The following PTPRH variants were observed in gnomAD, a reference collection of about 807,000 sequenced individuals.
PTPRH encodes the protein protein tyrosine phosphatase receptor type H, also known as receptor-type tyrosine-protein phosphatase H.
A neutral mutation model predicts 130.2 loss-of-function variants in PTPRH; 113 were observed. That is an observed-to-expected ratio of 0.87 (90% CI 0.75 to 1.01). PTPRH has a LOEUF of 1.01. PTPRH is among the 50% of genes least tolerant of loss of function. The pLI, the probability that PTPRH is intolerant of heterozygous loss-of-function variation, is 0.00. For missense variants in PTPRH, 1,430 were observed against 1,425.0 expected (o/e 1.00, Z -0.06); for synonymous variants, 556 against 577.9 (o/e 0.96, Z 0.54).
chr19:55,195,474 C>G (rs994068287), intron 10 of PTPRH, among the ~76,000 whole-genome samples: 2 of 152,208 alleles, frequency 1.3e-5, no homozygotes, highest in African/African-American at 4.8e-5. Context: ...TGCACTCCAG[C>G]CTGGGTGACA....
chr19:55,198,861 A>G lies in PTPRH; in HGVS notation c.1472T>C (p.Ile491Thr). Residue 491 changes from isoleucine to threonine, a missense_variant, in exon 8 of 20, where the codon ATT (isoleucine) becomes ACT (threonine). Transcript: ENST00000376350. The stretch of plus-strand genomic sequence containing the variant: ...CTGGGGAGCTGTCCAGCGCAAAGCA[A>G]TGGTGCTGTTGGTCCAGTCCTGCTT... ...LSKQDWTNST[I>T]ALRWTAPQGP... 1 of 1,569,208 alleles carries G rather than the reference A, an allele frequency of 6.4e-7. No individual in the cohort carries two copies. The highest frequency in any genetic ancestry group is 8.7e-7 in the Non-Finnish European group (1 of 1,154,826).
chr19:55,190,765 G>A (rs955517331), intron 12 of PTPRH, among the ~76,000 whole-genome samples: 2 of 150,704 alleles, frequency 1.3e-5, no homozygotes, highest in African/African-American at 4.9e-5. Context: ...GCGTAGCTGG[G>A]ATTACAGGCG....
intron 13 of PTPRH, 24 bp from the exon 14 acceptor site, chr19:55,187,627 A>T (rs967576239): frequency 2.6e-6 from 4 of 1,561,376 alleles, no homozygotes; most frequent in Non-Finnish European, 3.5e-6. Context: ...GAGAGGGGGT[A>T]CCTGGTGTTG....
chr19:55,184,024 C>T (rs546481855), intron 18 of PTPRH, among the ~76,000 whole-genome samples: 1 of 152,000 alleles, frequency 6.6e-6, no homozygotes, highest in Non-Finnish European at 1.5e-5. Flanking sequence ...GTGGTTCACG[C>T]CTGTAATCCC....
In PTPRH at chr19:55,198,926, C is replaced by G; in HGVS notation, c.1421-14G>C. 3 of 1,498,518 alleles carry G rather than the reference C, an allele frequency of 2.0e-6. No individual in the cohort carries two copies. The highest frequency in any genetic ancestry group is 2.7e-6 in the Non-Finnish European group (3 of 1,121,022). 92.8% of individuals were successfully genotyped at this position (1,498,518 alleles called of 1,614,324 possible). A position where few individuals can be genotyped will look rare whatever the true frequency, so the allele number is the denominator to read the frequency against. ...CTGCGTTGGGGACTGGGAGAGGGAG[C>G]AGAGTCAGGATTTCCACATCCCCTA... On this transcript the variant is annotated splice_polypyrimidine_tract_variant and intron_variant, in intron 7 of 19. Coordinates refer to ENST00000376350, the MANE Select transcript of PTPRH (RefSeq NM_002842.5).
intron 18 of PTPRH, 80 bp from the exon 19 acceptor site, chr19:55,182,231 G>A: frequency 6.7e-7 from 1 of 1,481,822 alleles, no homozygotes; most frequent in South Asian, 1.2e-5. Flanking sequence ...AGGGATCTGT[G>A]TTTGAATGAT....
intron 10 of PTPRH, among the ~76,000 whole-genome samples, chr19:55,193,252 G>A (rs1023542000): frequency 6.7e-6 from 1 of 149,966 alleles, no homozygotes; most frequent in Admixed American, 6.6e-5. Context: ...GAAAAAGAAA[G>A]CAAAACAAAA....
intron 4 of PTPRH, among the ~76,000 whole-genome samples, chr19:55,204,257 C>T (rs920830336): frequency 6.6e-6 from 1 of 152,106 alleles, no homozygotes; most frequent in African/African-American, 2.4e-5. Flanking sequence ...GTAGGTGGGA[C>T]TACAGGTCTG....
chr19:55,203,688 G>C lies in PTPRH; in HGVS notation c.886+94C>G, dbSNP rs553957213. The C allele has an allele frequency of 1.6e-5, 22 of 1,419,174 alleles. No individual in the cohort carries two copies. In the East Asian group the frequency reaches 3.7e-4, roughly 24 times the overall value. The allele number at this position is 1,419,174 out of a possible 1,614,324, so 87.9% of individuals were successfully genotyped here. A position where few individuals can be genotyped will look rare whatever the true frequency, so the allele number is the denominator to read the frequency against. On this transcript the variant is annotated intron_variant, in intron 5 of 19. Transcript: ENST00000376350. Reference sequence around the variant, plus strand: ...TGTGGCTTCCACTGTGTTTCTATTGGACTAAAGAACCTGTCACATTTTGTC... The same window carrying C: ...TGTGGCTTCCACTGTGTTTCTATTGCACTAAAGAACCTGTCACATTTTGTC...
At chr19:55,187,307 T>A (rs186475325) in intron 14 of PTPRH, among the ~76,000 whole-genome samples, 1 of 107,522 alleles carries the variant, frequency 9.3e-6, no homozygotes. Context: ...ATCGCGCCAC[T>A]GCACTCCAGC....
At position 55,181,826 on chromosome 19, in the gene PTPRH, G is replaced by A; in HGVS notation, c.3276C>T (p.Val1092=). ...TGAGGTTTTCGACATCCTCATACGG[G>A]ACTTCCTTCTCGGCTGGGGCCTGGG... ...QSAQAPAEKE[V]PYEDVENLIY... Residue 1092 remains valine (V), a synonymous_variant, in exon 20 of 20, where the codon GTC becomes GTT. Transcript: ENST00000376350. 6.2e-7 allele frequency: 1 copy of A among 1,614,202 alleles called. No individual in the cohort carries two copies.
At position 55,186,269 on chromosome 19, in the gene PTPRH, T is replaced by C. The variant is rs1456011290; in HGVS notation, c.2734A>G (p.Ser912Gly). The change falls in exon 16 of 20, where the codon AGC becomes GGC. Residue 912 changes from serine to glycine, a missense_variant. By Grantham distance (56) the Ser-to-Gly change is moderately conservative. Transcript: ENST00000376350. Reference protein sequence around the residue: ...DFWRLVWEQQSHTLVMLTNCM... With the variant: ...DFWRLVWEQQGHTLVMLTNCM... ...TTGGTCAGCATGACCAGGGTGTGGC[T>C]CTGCTGTTCCCACACCAGGCGCCAG... 4 of 1,613,834 alleles carry C rather than the reference T, an allele frequency of 2.5e-6. No homozygotes were observed. The highest frequency in any genetic ancestry group is 3.4e-6 in the Non-Finnish European group (4 of 1,179,856).
At chr19:55,204,543 G>A (rs1033368800) in intron 4 of PTPRH, among the ~76,000 whole-genome samples, 1 of 152,136 alleles carries the variant, frequency 6.6e-6, no homozygotes, top group Non-Finnish European at 1.5e-5. Flanking sequence ...TGAAATGCAG[G>A]TTCTCACTCA....
intron 12 of PTPRH, among the ~76,000 whole-genome samples, chr19:55,188,937 G>A (rs78080094): frequency 0.019 from 2,825 of 152,282 alleles, 93 homozygotes; most frequent in African/African-American, 0.064. Flanking sequence ...CTTGCTGGAC[G>A]CACACTTCTT....
Position 55,191,507 on chromosome 19 carries a change from A to G in PTPRH, c.2378T>C (p.Val793Ala), listed in dbSNP as rs139708770. Residue 793 changes from valine to alanine, a missense_variant, in exon 12 of 20, where the codon GTC becomes GCC. By Grantham distance (64) the Val-to-Ala change is moderately conservative (BLOSUM62 0). Transcript: ENST00000376350. ...CCCCAGACCTTCTGCTCACCTAAAG[A>G]CCAGATCCCTGAGTTCTGGTTTCTG... The part of the protein sequence containing the change: ...KQQKPELRDL[V>A]FSSPGDIPAE... The G allele has an allele frequency of 6.2e-7, 1 of 1,614,052 alleles. No individual in the cohort carries two copies. Among genetic ancestry groups the G allele is most frequent in the Non-Finnish European group, 8.5e-7 (1 of 1,180,018 alleles).
At position 55,188,187 on chromosome 19, in the gene PTPRH, C is replaced by G; in HGVS notation, c.2385-19G>C. 1 of 1,598,934 alleles carries G rather than the reference C, an allele frequency of 6.3e-7. No homozygotes were observed. The highest frequency in any genetic ancestry group is 8.6e-7 in the Non-Finnish European group (1 of 1,166,264). On this transcript the variant is annotated intron_variant, in intron 12 of 19. Transcript: ENST00000376350. Reference sequence around the variant, plus strand: ...TGGGGAGCTACGGGTTTTGGGGGAGCAGGGAGAAAAGACCGTAACTTCTTT... The same window carrying G: ...TGGGGAGCTACGGGTTTTGGGGGAGGAGGGAGAAAAGACCGTAACTTCTTT...
At chr19:55,184,703 C>T (rs2147370576) in intron 18 of PTPRH, among the ~76,000 whole-genome samples, 1 of 152,020 alleles carries the variant, frequency 6.6e-6, no homozygotes, top group Non-Finnish European at 1.5e-5. Context: ...AGGAGAATTG[C>T]TTGAACTCGG....
chr19:55,204,636 A>G (rs2086985984), intron 4 of PTPRH, among the ~76,000 whole-genome samples: 1 of 148,066 alleles, frequency 6.8e-6, no homozygotes, highest in Non-Finnish European at 1.5e-5. Flanking sequence ...ATGTATTTCC[A>G]TCAGCTCTCA....
Position 55,186,002 on chromosome 19 carries a change from G to T in PTPRH, c.2779-18C>A. The T allele has an allele frequency of 1.2e-6, 2 of 1,613,846 alleles. No individual in the cohort carries two copies. The highest frequency in any genetic ancestry group is 8.5e-7 in the Non-Finnish European group (1 of 1,179,872). On this transcript the variant is annotated intron_variant, in intron 16 of 19. Transcript: ENST00000376350. ...CACTTCACCTGGGGGAGGAGGAGGGGTCAGAGAACACAACTCCTCTTACCC... is the reference window on the plus strand; with the variant it reads ...CACTTCACCTGGGGGAGGAGGAGGGTTCAGAGAACACAACTCCTCTTACCC...
Sources: allele counts gnomAD v4.1 joint callset (sites outside exome capture counted in the v4.1 genomes callset), GRCh38; gene constraint gnomAD v4.1.1; transcripts MANE v1.5; gene names NCBI Gene and HGNC (gene_info 2026-07-23, HGNC 2026-07-21).